The following OR8K3 variants were observed in gnomAD, a reference collection of about 807,000 sequenced individuals.
OR8K3 encodes olfactory receptor 8K3.
For synonymous variants in OR8K3, 167 were observed against 138.8 expected, an observed-to-expected ratio of 1.20 and a Z score of -1.43; for missense variants, 448 against 367.4, an observed-to-expected ratio of 1.22 and a Z score of -1.79.
At position 56,320,251 on chromosome 11, in the gene OR8K3, G is replaced by A. The variant is rs1854507696; in HGVS notation, c.*1006G>A. ...TTTACTTCACTGTTTGATTGCATCA[G>A]TTGATTTTTCTACTTGTACAAAGCA... On this transcript the variant is annotated 3_prime_UTR_variant, in exon 3 of 3. Coordinates refer to ENST00000641662, the MANE Select transcript of OR8K3 (RefSeq NM_001005202.2). 1 of 152,102 alleles carries A rather than the reference G, an allele frequency of 6.6e-6. No individual in the cohort carries two copies. Among genetic ancestry groups the A allele is most frequent in the African/African-American group, 2.4e-5 (1 of 41,422 alleles). The allele number at this position is 152,102 out of a possible 1,614,324, so 9.4% of individuals were successfully genotyped here. A position where few individuals can be genotyped will look rare whatever the true frequency, so the allele number is the denominator to read the frequency against.
chr11:56,318,975 A>G lies in OR8K3; in HGVS notation c.669A>G (p.Val223=). ...IVLLSYLLIL[V]AILRMNSAGR... is the part of the protein sequence containing the mutation. The stretch of plus-strand genomic sequence containing the variant: ...TTTTATCTTACCTGCTCATCCTTGT[A>G]GCCATTCTCAGGATGAATTCTGCTG... The change falls in exon 3 of 3, where the codon GTA becomes GTG. Residue 223 remains valine (V), a synonymous_variant. Transcript: ENST00000641662. The G allele has an allele frequency of 6.2e-7, 1 of 1,614,116 alleles. No homozygotes were observed. Among genetic ancestry groups the G allele is most frequent in the Non-Finnish European group, 8.5e-7 (1 of 1,180,006 alleles).
chr11:56,318,257 T>C, intron 2 of OR8K3, 27 bp from the exon 3 acceptor site: 1 of 1,310,148 alleles, frequency 7.6e-7, no homozygotes, highest in Non-Finnish European at 1.1e-6. Context: ...AGAGGAAAGC[T>C]ATTGACAATG....
chr11:56,317,125 A>C (rs964571319), intron 2 of OR8K3, among the ~76,000 whole-genome samples: 1 of 152,036 alleles, frequency 6.6e-6, no homozygotes, highest in South Asian at 2.1e-4. Flanking sequence ...CTAACAAAGA[A>C]GTTAATTCAT....
At chr11:56,317,532 C>T (rs1565107743) in intron 2 of OR8K3, among the ~76,000 whole-genome samples, 1 of 152,084 alleles carries the variant, frequency 6.6e-6, no homozygotes, top group Non-Finnish European at 1.5e-5. Context: ...TCTGTCAACT[C>T]TATTAAAGTC....
rs1291609660 is a variant in OR8K3 at position 56,320,460 on chromosome 11, T to A, written c.*1215T>A. The A allele has an allele frequency of 2.0e-5, 3 of 152,232 alleles. No individual in the cohort carries two copies. The highest frequency in any genetic ancestry group is 2.9e-5 in the Non-Finnish European group (2 of 68,038). 9.4% of individuals were successfully genotyped at this position (152,232 alleles called of 1,614,324 possible). A position where few individuals can be genotyped will look rare whatever the true frequency, so the allele number is the denominator to read the frequency against. ...CCATATGTTTTCTTATGTATTTTGATTTCCTTTATTCTTTTTAATAATCCT... is the reference window on the plus strand; with the variant it reads ...CCATATGTTTTCTTATGTATTTTGAATTCCTTTATTCTTTTTAATAATCCT... On this transcript the variant is annotated 3_prime_UTR_variant, in exon 3 of 3. Coordinates refer to ENST00000641662, the MANE Select transcript of OR8K3 (RefSeq NM_001005202.2).
intron 2 of OR8K3, among the ~76,000 whole-genome samples, chr11:56,317,289 T>C (rs2134866544): frequency 6.6e-6 from 1 of 152,262 alleles, no homozygotes; most frequent in East Asian, 1.9e-4. Context: ...AATCACTTAA[T>C]CTTCAGTCAT....
In OR8K3 at chr11:56,318,893, A is replaced by G. The variant is rs1854485263; in HGVS notation, c.587A>G (p.Glu196Gly). Reference protein sequence around the residue: ...PLLCSNTHEIELIILIFAAID... With the variant: ...PLLCSNTHEIGLIILIFAAID... Reference sequence around the variant, plus strand: ...CTTTGTTCAAATACACATGAAATTGAATTGATAATTCTGATCTTTGCAGCT... The same window carrying G: ...CTTTGTTCAAATACACATGAAATTGGATTGATAATTCTGATCTTTGCAGCT... The change falls in exon 3 of 3, where the codon GAA becomes GGA. Residue 196 changes from glutamate to glycine, a missense_variant. Coordinates refer to ENST00000641662, the MANE Select transcript of OR8K3 (RefSeq NM_001005202.2). 1 of 1,613,786 alleles carries G rather than the reference A, an allele frequency of 6.2e-7. No individual in the cohort carries two copies. The highest frequency in any genetic ancestry group is 1.3e-5 in the African/African-American group (1 of 74,924).
In OR8K3 at chr11:56,318,817, T is replaced by C. The variant is rs765028221; in HGVS notation, c.511T>C (p.Tyr171His). 11 of 1,614,030 alleles carry C rather than the reference T, an allele frequency of 6.8e-6. No homozygotes were observed. Among genetic ancestry groups the C allele is most frequent in the African/African-American group, 1.3e-5 (1 of 74,942 alleles). The change falls in exon 3 of 3, where the codon TAC (tyrosine) becomes CAC (histidine). Residue 171 changes from tyrosine (Y) to histidine (H), a missense_variant. Physicochemically the swap from Tyr to His is moderately conservative, Grantham distance 83 (BLOSUM62 2). Coordinates refer to ENST00000641662, the MANE Select transcript of OR8K3 (RefSeq NM_001005202.2). The part of the protein sequence containing the change: ...IKIFTLSFCG[Y>H]NVISHFYCDS... ...GATTTTTACTTTATCCTTCTGTGGC[T>C]ACAACGTCATTAGTCATTTCTACTG...
chr11:56,319,411 A>T lies in OR8K3; in HGVS notation c.*166A>T. Reference sequence around the variant, plus strand: ...TACATAGATTAATAAACAAAATAGTAGAAATCTTTGCCTTCCTTGATGGAT... The same window carrying T: ...TACATAGATTAATAAACAAAATAGTTGAAATCTTTGCCTTCCTTGATGGAT... On this transcript the variant is annotated 3_prime_UTR_variant, in exon 3 of 3. Coordinates refer to ENST00000641662, the MANE Select transcript of OR8K3 (RefSeq NM_001005202.2). 1 of 579,204 alleles carries T rather than the reference A, an allele frequency of 1.7e-6. No individual in the cohort carries two copies. The highest frequency in any genetic ancestry group is 2.8e-5 in the East Asian group (1 of 35,902). 35.9% of individuals were successfully genotyped at this position (579,204 alleles called of 1,614,324 possible).
At chr11:56,316,423 G>A (rs1480926898) in intron 2 of OR8K3, among the ~76,000 whole-genome samples, 2 of 107,356 alleles carry the variant, frequency 1.9e-5, no homozygotes, top group Non-Finnish European at 4.0e-5. Context: ...AAAACATTGG[G>A]GCTTACGATT....
Position 56,319,051 on chromosome 11 carries a change from G to T in OR8K3, c.745G>T (p.Val249Leu). ...TCGAHLTVVI[V>L]FYGTLLFMYV... ...TGGAGCCCACCTGACAGTGGTCATA[G>T]TGTTCTATGGGACTTTGCTTTTCAT... Residue 249 changes from valine to leucine, a missense_variant, in exon 3 of 3, where the codon GTG becomes TTG. Coordinates refer to ENST00000641662, the MANE Select transcript of OR8K3 (RefSeq NM_001005202.2). 6.2e-7 allele frequency: 1 copy of T among 1,614,070 alleles called. No individual in the cohort carries two copies. Among genetic ancestry groups the T allele is most frequent in the Non-Finnish European group, 8.5e-7 (1 of 1,179,992 alleles).
chr11:56,315,204 T>C (rs1427285224), intron 1 of OR8K3, 37 bp downstream of exon 1: 1 of 151,950 alleles, frequency 6.6e-6, no homozygotes, highest in Non-Finnish European at 1.5e-5. Context: ...TCTTGTGGTG[T>C]CATATGTTAC....
chr11:56,315,724 T>C (rs1854434117), intron 1 of OR8K3, among the ~76,000 whole-genome samples: 1 of 151,804 alleles, frequency 6.6e-6, no homozygotes, highest in South Asian at 2.1e-4. Flanking sequence ...CTACCTTACA[T>C]TCGAATGTGA....
chr11:56,318,972 T>G lies in OR8K3; in HGVS notation c.666T>G (p.Leu222=), dbSNP rs749105172. The part of the protein sequence containing the change: ...LIVLLSYLLI[L]VAILRMNSAG... ...TTCTTTTATCTTACCTGCTCATCCT[T>G]GTAGCCATTCTCAGGATGAATTCTG... The change falls in exon 3 of 3, where the codon CTT becomes CTG. Residue 222 remains leucine (L), a synonymous_variant. Coordinates refer to ENST00000641662, the MANE Select transcript of OR8K3 (RefSeq NM_001005202.2). 5 of 1,614,178 alleles carry G rather than the reference T, an allele frequency of 3.1e-6. No homozygotes were observed. Among genetic ancestry groups the G allele is most frequent in the Non-Finnish European group, 3.4e-6 (4 of 1,180,010 alleles).
rs1854494576 is a variant in OR8K3 at position 56,319,314 on chromosome 11, G to A, written c.*69G>A. ...ATTTTTGCTCTGCATACTTCCAGAA[G>A]ACATAACAAGCATAACTGATTCAAC... On this transcript the variant is annotated 3_prime_UTR_variant, in exon 3 of 3. Transcript: ENST00000641662. 1 of 768,922 alleles carries A rather than the reference G, an allele frequency of 1.3e-6. No homozygotes were observed. The highest frequency in any genetic ancestry group is 2.1e-6 in the Non-Finnish European group (1 of 468,522). 47.6% of individuals were successfully genotyped at this position (768,922 alleles called of 1,614,324 possible). A position where few individuals can be genotyped will look rare whatever the true frequency, so the allele number is the denominator to read the frequency against.
Position 56,319,450 on chromosome 11 carries a change from T to G in OR8K3, c.*205T>G. 1.8e-6 allele frequency: 1 copy of G among 548,366 alleles called. No homozygotes were observed. The highest frequency in any genetic ancestry group is 2.9e-5 in the East Asian group (1 of 34,218). 34.0% of individuals were successfully genotyped at this position (548,366 alleles called of 1,614,324 possible). On this transcript the variant is annotated 3_prime_UTR_variant, in exon 3 of 3. Transcript: ENST00000641662. ...TCCTTGATGGATAGATGAATTGTAT[T>G]CACAATAAGTCCATTTTATATAACA...
rs566814228 is a variant in OR8K3 at position 56,318,299 on chromosome 11, G to A, written c.-8G>A. Reference sequence around the variant, plus strand: ...TCTCTATCAGAATAGGTTTTCTGATGAACCTGGATGGAACAACACAATCTA... The same window carrying A: ...TCTCTATCAGAATAGGTTTTCTGATAAACCTGGATGGAACAACACAATCTA... On this transcript the variant is annotated 5_prime_UTR_variant, in exon 3 of 3. The change abolishes an upstream ATG in the 5' untranslated region. Transcript: ENST00000641662. 1.9e-6 allele frequency: 3 copies of A among 1,598,000 alleles called. No homozygotes were observed. Among genetic ancestry groups the A allele is most frequent in the South Asian group, 1.1e-5 (1 of 90,376 alleles).
chr11:56,317,192 G>C (rs762651710), intron 2 of OR8K3, among the ~76,000 whole-genome samples: 7 of 151,974 alleles, frequency 4.6e-5, no homozygotes, highest in African/African-American at 1.7e-4. Flanking sequence ...GTAAGGCATT[G>C]TCACAATTAA....
chr11:56,319,453 C>T lies in OR8K3; in HGVS notation c.*208C>T. On this transcript the variant is annotated 3_prime_UTR_variant, in exon 3 of 3. Coordinates refer to ENST00000641662, the MANE Select transcript of OR8K3 (RefSeq NM_001005202.2). ...TTGATGGATAGATGAATTGTATTCA[C>T]AATAAGTCCATTTTATATAACAGTA... 3 of 541,522 alleles carry T rather than the reference C, an allele frequency of 5.5e-6. No homozygotes were observed. In the Admixed American group the frequency reaches 9.6e-5, roughly 17 times the overall value. The allele number at this position is 541,522 out of a possible 1,614,324, so 33.5% of individuals were successfully genotyped here. A position where few individuals can be genotyped will look rare whatever the true frequency, so the allele number is the denominator to read the frequency against.
Sources: gnomAD v4.1 joint callset for allele counts (sites outside exome capture counted in the v4.1 genomes callset) on GRCh38, gnomAD v4.1.1 for gene constraint, MANE v1.5 for transcripts, NCBI Gene and HGNC (gene_info 2026-07-23, HGNC 2026-07-21) for gene names.